ARMC5: variants seen among roughly 807,000 people sequenced by gnomAD.
The protein encoded by ARMC5 is armadillo repeat-containing protein 5.
ARMC5 carries 28 observed loss-of-function variants against 60.5 expected under a neutral mutation model. That is an observed-to-expected ratio of 0.46 (90% CI 0.34 to 0.63). The LOEUF (loss-of-function observed/expected upper bound fraction) is 0.63, where lower values mean the gene tolerates loss of function less well. Among genes scored for constraint, ARMC5 ranks in the 30% least tolerant of loss-of-function variants. ARMC5 has a pLI of 0.01. For missense variants in ARMC5, 1,189 were observed against 1,304.9 expected, an observed-to-expected ratio of 0.91 and a Z score of 1.37; for synonymous variants, 680 against 607.3, an observed-to-expected ratio of 1.12 and a Z score of -1.76.
upstream of ARMC5, chr16:31,459,328 C>A (rs1292544270): frequency 1.3e-6 from 2 of 1,535,192 alleles, no homozygotes; most frequent in South Asian, 1.2e-5. Flanking sequence ...TCCCAGGATG[C>A]GCTGCGATTA....
Position 31,462,966 on chromosome 16 carries a change from G to C in ARMC5, c.1370+49G>C. On this transcript the variant is annotated intron_variant, in intron 3 of 5. Transcript: ENST00000268314. This position sits in a 1 kb window ranked among gnomAD's most constrained non-coding sequence, Gnocchi z 7.2. ...GGAGGGTGAGCAGTGCAGTGATGTGGGGTTTGTGTCTGTCTTGGTCCTCTT... is the reference window on the plus strand; with the variant it reads ...GGAGGGTGAGCAGTGCAGTGATGTGCGGTTTGTGTCTGTCTTGGTCCTCTT... 6.8e-7 allele frequency: 1 copy of C among 1,468,288 alleles called. No homozygotes were observed. The highest frequency in any genetic ancestry group is 9.0e-7 in the Non-Finnish European group (1 of 1,107,638). 91.0% of individuals were successfully genotyped at this position (1,468,288 alleles called of 1,614,324 possible).
intron 4 of ARMC5, 38 bp from the exon 5 acceptor site, chr16:31,465,812 G>A: frequency 1.2e-6 from 2 of 1,604,512 alleles, no homozygotes; most frequent in South Asian, 1.1e-5. Flanking sequence ...ACCTGTCTTA[G>A]ACCCCAGTTC....
At chr16:31,459,045 C>G, upstream of ARMC5, 1 of 1,515,470 alleles carries the variant, frequency 6.6e-7, no homozygotes, top group East Asian at 2.5e-5. Context: ...CAGGACCCCG[C>G]ACTTTCGGCC....
rs752826536 is a variant in ARMC5 at position 31,465,851 on chromosome 16, G to A, written c.1866G>A (p.Gly622=). ...PTLHSRHREL[G]ERLLQNLTVQ... ...GCCTGACAAGCTTTCCACTCACAGG[G>A]GAGAGGCTACTGCAGAACCTGACGG... The change falls in exon 5 of 6, where the codon GGG becomes GGA. Residue 622 remains glycine (G), a splice_region_variant and synonymous_variant. Transcript: ENST00000268314. 1.2e-6 allele frequency: 2 copies of A among 1,609,106 alleles called. No individual in the cohort carries two copies. Among genetic ancestry groups the A allele is most frequent in the South Asian group, 2.2e-5 (2 of 91,082 alleles).
intron 1 of ARMC5, 34 bp downstream of exon 1, chr16:31,460,033 A>T: frequency 6.3e-7 from 1 of 1,591,378 alleles, no homozygotes; most frequent in Middle Eastern, 1.7e-4. Context: ...TAGAAAGATT[A>T]GGTTTGCAAC....
intron 1 of ARMC5, among the ~76,000 whole-genome samples, chr16:31,460,510 G>C (rs1372191775): frequency 6.6e-6 from 1 of 152,162 alleles, no homozygotes; most frequent in Non-Finnish European, 1.5e-5. Context: ...GGGAGAAAAC[G>C]AAGTACAAAT....
At chr16:31,458,410 G>A, upstream of ARMC5, 1 of 1,535,734 alleles carries the variant, frequency 6.5e-7, no homozygotes, top group Non-Finnish European at 8.7e-7. Flanking sequence ...GTCACACTCG[G>A]GGCAGGAGTA....
chr16:31,464,330 T>G lies in ARMC5; in HGVS notation c.1371-64T>G. ...AAAAAAAAAAAAGACGCCTCACGCC[T>G]CTTGGACTCTGCCCCTTAACCTTGG... is the stretch of plus-strand genomic sequence containing the variant. On this transcript the variant is annotated intron_variant, in intron 3 of 5. Transcript: ENST00000268314. This position sits in a 1 kb window ranked among gnomAD's most constrained non-coding sequence, Gnocchi z 7.6. 4.3e-5 allele frequency: 38 copies of G among 875,500 alleles called. No individual in the cohort carries two copies. The highest frequency in any genetic ancestry group is 2.7e-4 in the Middle Eastern group (1 of 3,664). 54.2% of individuals were successfully genotyped at this position (875,500 alleles called of 1,614,324 possible). A position where few individuals can be genotyped will look rare whatever the true frequency, so the allele number is the denominator to read the frequency against.
chr16:31,459,727 G>GC lies in ARMC5; in HGVS notation c.208dup (p.Leu70ProfsTer33). The GC allele has an allele frequency of 1.9e-6, 3 of 1,555,918 alleles. No individual in the cohort carries two copies. Among genetic ancestry groups the GC allele is most frequent in the Non-Finnish European group, 8.6e-7 (1 of 1,161,948 alleles). ...CGCTTCCGGGCACGCGGCGGGCTCCGCCCCCTACTCGCGCTGCTACGGCGA... is the reference window on the plus strand; with the variant it reads ...CGCTTCCGGGCACGCGGCGGGCTCCGCCCCCCTACTCGCGCTGCTACGGCGA... On this transcript the variant is annotated frameshift_variant, in exon 1 of 6. Transcript: ENST00000268314. LOFTEE classifies it high-confidence loss of function.
At position 31,466,069 on chromosome 16, in the gene ARMC5, T is replaced by C. The variant is rs1160756081; in HGVS notation, c.1998-10T>C. The C allele has an allele frequency of 6.3e-7, 1 of 1,595,560 alleles. No individual in the cohort carries two copies. Among genetic ancestry groups the C allele is most frequent in the African/African-American group, 1.3e-5 (1 of 74,556 alleles). ...TGCCCACCTTTTGAAAGGCCCTCTC[T>C]TCCCTGTAGGAAGCCCTCTCTGTGG... is the stretch of plus-strand genomic sequence containing the variant. On this transcript the variant is annotated splice_polypyrimidine_tract_variant and intron_variant, in intron 5 of 5. Coordinates refer to ENST00000268314, the MANE Select transcript of ARMC5 (RefSeq NM_001105247.2). This position sits in a 1 kb window ranked among gnomAD's most constrained non-coding sequence, Gnocchi z 8.0.
At position 31,459,914 on chromosome 16, in the gene ARMC5, C is replaced by T; in HGVS notation, c.390C>T (p.Asp130=). The change falls in exon 1 of 6, where the codon GAC becomes GAT. Residue 130 remains aspartate, a synonymous_variant. Coordinates refer to ENST00000268314, the MANE Select transcript of ARMC5 (RefSeq NM_001105247.2). Reference sequence around the variant, plus strand: ...CAGTGCGCCTGCGCAAGACGCTGGACTTGGCGCTCAGCATCCTAGCCGATT... The same window carrying T: ...CAGTGCGCCTGCGCAAGACGCTGGATTTGGCGCTCAGCATCCTAGCCGATT... ...TPPVRLRKTL[D]LALSILADCC... 6.2e-6 allele frequency: 10 copies of T among 1,606,456 alleles called. No homozygotes were observed. Among genetic ancestry groups the T allele is most frequent in the Non-Finnish European group, 8.5e-6 (10 of 1,179,870 alleles).
chr16:31,464,617 T>A lies in ARMC5; in HGVS notation c.1594T>A (p.Phe532Ile). 1 of 1,595,644 alleles carries A rather than the reference T, an allele frequency of 6.3e-7. No individual in the cohort carries two copies. Among genetic ancestry groups the A allele is most frequent in the South Asian group, 1.1e-5 (1 of 90,212 alleles). Residue 532 changes from phenylalanine to isoleucine, a missense_variant, in exon 4 of 6, where the codon TTT becomes ATT. By Grantham distance (21) the Phe-to-Ile change is conservative (BLOSUM62 0). This residue lies in a region of ARMC5 where 862 missense variants were observed against 1,071.2 expected (regional missense o/e 0.80). Coordinates refer to ENST00000268314, the MANE Select transcript of ARMC5 (RefSeq NM_001105247.2). The surrounding 1 kb of genome is among the most constrained non-coding windows in gnomAD (Gnocchi z 7.6). ...GCCAGCCCTGCTGCTGCTGTCGCGC[T>A]TTTCCCAGGCCCCTGACCCAAGTGG... is the stretch of plus-strand genomic sequence containing the variant. Reference protein sequence around the residue: ...EGPALLLLSRFSQAPDPSGAL... With the variant: ...EGPALLLLSRISQAPDPSGAL...
chr16:31,459,778 C>T lies in ARMC5; in HGVS notation c.254C>T (p.Ser85Phe), dbSNP rs2082284909. 1 of 1,540,100 alleles carries T rather than the reference C, an allele frequency of 6.5e-7. No homozygotes were observed. Among genetic ancestry groups the T allele is most frequent in the Non-Finnish European group, 8.7e-7 (1 of 1,149,840 alleles). Residue 85 changes from serine (S) to phenylalanine (F), a missense_variant, in exon 1 of 6, where the codon TCC becomes TTC. This residue lies in a region of ARMC5 where 327 missense variants were observed against 233.7 expected (regional missense o/e 1.40). Coordinates refer to ENST00000268314, the MANE Select transcript of ARMC5 (RefSeq NM_001105247.2). ...GCGGCTGCAGCGGGTTCCGCCCCGT[C>T]CCAGGCAGGCCCCGGCTCCGCCCCC... Reference protein sequence around the residue: ...RRAAAAGSAPSQAGPGSAPSS... With the variant: ...RRAAAAGSAPFQAGPGSAPSS...
chr16:31,461,095 C>G (rs2142565805), intron 1 of ARMC5, among the ~76,000 whole-genome samples: 1 of 152,336 alleles, frequency 6.6e-6, no homozygotes, highest in South Asian at 2.1e-4. Flanking sequence ...CTGAATTTAT[C>G]TGCTTCTCTC....
rs2082315565 is a variant in ARMC5, at chr16:31,462,729, T to C, written c.1182T>C (p.Leu394=). The C allele has an allele frequency of 6.2e-7, 1 of 1,613,672 alleles. No individual in the cohort carries two copies. Among genetic ancestry groups the C allele is most frequent in the Admixed American group, 1.7e-5 (1 of 60,002 alleles). The change falls in exon 3 of 6, where the codon CTT becomes CTC. Residue 394 remains leucine (L), a synonymous_variant. Coordinates refer to ENST00000268314, the MANE Select transcript of ARMC5 (RefSeq NM_001105247.2). This position sits in a 1 kb window ranked among gnomAD's most constrained non-coding sequence, Gnocchi z 7.2. Reference sequence around the variant, plus strand: ...GGCACCCTCGTATTGTGGCTGCCCTTGTGGGGTTTCTGTATGACACTGGGG... The same window carrying C: ...GGCACCCTCGTATTGTGGCTGCCCTCGTGGGGTTTCTGTATGACACTGGGG... ...SAWHPRIVAA[L]VGFLYDTGAL...
upstream of ARMC5, chr16:31,458,895 C>G (rs192790672): frequency 1.2e-4 from 179 of 1,535,662 alleles, 1 homozygote; most frequent in African/African-American, 2.1e-3. Flanking sequence ...GAGCGGAGGA[C>G]ACTCGGGACA....
chr16:31,462,562 G>A lies in ARMC5; in HGVS notation c.1015G>A (p.Gly339Arg), dbSNP rs751777905. ...DELRQRRDPN[G>R]ASPTSQQPLV... ...GCTCCGGCAGCGCCGGGATCCTAAT[G>A]GAGCTAGCCCAACCTCCCAGCAGCC... The change falls in exon 3 of 6, where the codon GGA becomes AGA. Residue 339 changes from glycine (G) to arginine (R), a missense_variant. Coordinates refer to ENST00000268314, the MANE Select transcript of ARMC5 (RefSeq NM_001105247.2). The surrounding 1 kb of genome is among the most constrained non-coding windows in gnomAD (Gnocchi z 7.2). 6.2e-7 allele frequency: 1 copy of A among 1,611,612 alleles called. No individual in the cohort carries two copies. The highest frequency in any genetic ancestry group is 8.5e-7 in the Non-Finnish European group (1 of 1,179,874).
At chr16:31,463,332 C>G (rs1429559041) in intron 3 of ARMC5, among the ~76,000 whole-genome samples, 2 of 152,184 alleles carry the variant, frequency 1.3e-5, no homozygotes, top group African/African-American at 4.8e-5. Context: ...CTCCTGACCT[C>G]AGGTGATCCA....
chr16:31,461,209 T>G (rs1180223840), intron 1 of ARMC5, among the ~76,000 whole-genome samples: 1 of 152,228 alleles, frequency 6.6e-6, no homozygotes, highest in East Asian at 1.9e-4. Flanking sequence ...TGGACTATTA[T>G]GACAGCCTTT....
Sources: gnomAD v4.1 joint callset for allele counts (sites outside exome capture counted in the v4.1 genomes callset) on GRCh38, gnomAD v4.1.1 for gene constraint, gnomAD v4.1.1 regional missense constraint, Gnocchi (gnomAD v3.1) non-coding constraint, MANE v1.5 for transcripts, NCBI Gene and HGNC (gene_info 2026-07-23, HGNC 2026-07-21) for gene names.